FBN2: variants seen among roughly 807,000 people sequenced by gnomAD.
The protein encoded by FBN2 is fibrillin 2, also known as fibrillin-2.
FBN2 carries 105 observed loss-of-function variants against 355.6 expected under a neutral mutation model. That is an observed-to-expected ratio of 0.30 (90% confidence interval 0.25 to 0.35). The LOEUF is 0.35. Ranked by LOEUF, FBN2 falls within the 10% of genes least tolerant of loss-of-function variation. The pLI is 1.00. For missense variants in FBN2, 3,280 were observed against 3,758.7 expected, an observed-to-expected ratio of 0.87 and a Z score of 3.33; for synonymous variants, 1,350 against 1,301.2, an observed-to-expected ratio of 1.04 and a Z score of -0.81.
At chr5:128,402,981 C>G (rs537312203) in intron 8 of FBN2, among the ~76,000 whole-genome samples, 1 of 152,178 alleles carries the variant, frequency 6.6e-6, no homozygotes, top group Non-Finnish European at 1.5e-5. Context: ...GTAAGGAAAA[C>G]TTCTCCTTCT....
chr5:128,293,825 CT>C (rs991797437), intron 48 of FBN2, among the ~76,000 whole-genome samples: 23 of 151,266 alleles, frequency 1.5e-4, no homozygotes, highest in South Asian at 1.5e-3. Flanking sequence ...TTAAACTTTT[CT>C]TTTTTTTAAT....
intron 48 of FBN2, among the ~76,000 whole-genome samples, chr5:128,297,560 CTTG>C (rs1318663304): frequency 6.6e-6 from 1 of 152,206 alleles, no homozygotes; most frequent in African/African-American, 2.4e-5. Context: ...GTTCACTCTT[CTTG>C]TTGAATTGAT....
intron 13 of FBN2, among the ~76,000 whole-genome samples, chr5:128,377,424 G>A (rs960235384): frequency 6.6e-6 from 1 of 151,980 alleles, no homozygotes; most frequent in African/African-American, 2.4e-5. Flanking sequence ...CTGAAATACA[G>A]TAGCGGTCAG....
At chr5:128,378,667 A>G in intron 12 of FBN2, 104 bp downstream of exon 12, 1 of 1,223,560 alleles carries the variant, frequency 8.2e-7, no homozygotes, top group Non-Finnish European at 1.2e-6. Context: ...TAATAATGTA[A>G]CACTTATTTT....
chr5:128,262,641 T>C (rs1765005661), intron 63 of FBN2, among the ~76,000 whole-genome samples: 1 of 152,248 alleles, frequency 6.6e-6, no homozygotes, highest in South Asian at 2.1e-4. Flanking sequence ...AGTCAATGAA[T>C]TGGCTCTAAA....
At position 128,289,888 on chromosome 5, in the gene FBN2, G is replaced by T; in HGVS notation, c.6505C>A (p.Arg2169Ser). 6.3e-7 allele frequency: 1 copy of T among 1,576,786 alleles called. No homozygotes were observed. The highest frequency in any genetic ancestry group is 8.7e-7 in the Non-Finnish European group (1 of 1,146,412). ...HGTVPSLHDTREDVNECLESP... is the reference protein window; with the variant it reads ...HGTVPSLHDTSEDVNECLESP... ...AAAATATATCAAAGCGTACCTTCAC[G>T]TGTATCATGAAGACTAGGGACAGTT... Residue 2169 changes from arginine (R) to serine (S), a missense_variant, in exon 51 of 65, where the codon CGT becomes AGT. This residue lies in a region of FBN2 where 2,284 missense variants were observed against 2,749.5 expected (regional missense o/e 0.83). Transcript: ENST00000262464.
intron 7 of FBN2, among the ~76,000 whole-genome samples, chr5:128,421,164 G>T (rs775418455): frequency 1.7e-4 from 26 of 152,214 alleles, no homozygotes; most frequent in Non-Finnish European, 3.1e-4. Flanking sequence ...GACAGGCCTA[G>T]AATGCCATTT....
chr5:128,382,168 C>T (rs1752249796), intron 11 of FBN2, among the ~76,000 whole-genome samples: 1 of 151,902 alleles, frequency 6.6e-6, no homozygotes, highest in Non-Finnish European at 1.5e-5. Context: ...ATCCTAAAAC[C>T]ACTCTTCAAA....
intron 64 of FBN2, among the ~76,000 whole-genome samples, chr5:128,261,139 T>C (rs1369646978): frequency 6.6e-6 from 1 of 152,160 alleles, no homozygotes; most frequent in Admixed American, 6.5e-5. Flanking sequence ...AGGTAACAGA[T>C]AGGGAGGGCC....
At chr5:128,514,769 A>C (rs1045569550) in intron 5 of FBN2, among the ~76,000 whole-genome samples, 3 of 152,194 alleles carry the variant, frequency 2.0e-5, no homozygotes, top group African/African-American at 7.2e-5. Flanking sequence ...TAAGTGTAGG[A>C]ATTATGAGTA....
chr5:128,499,167 G>T (rs1244690128), intron 5 of FBN2, among the ~76,000 whole-genome samples: 1 of 152,018 alleles, frequency 6.6e-6, no homozygotes, highest in Admixed American at 6.6e-5. Context: ...TCAGAGAGAG[G>T]CAAAATCTAT....
chr5:128,406,857 G>A (rs1752939670), intron 8 of FBN2, among the ~76,000 whole-genome samples: 1 of 152,228 alleles, frequency 6.6e-6, no homozygotes, highest in Non-Finnish European at 1.5e-5. Context: ...GGGAATTAGA[G>A]TATTAAATGA....
chr5:128,519,436 A>G (rs1756371208), intron 4 of FBN2, 68 bp from the exon 5 acceptor site: 2 of 1,113,002 alleles, frequency 1.8e-6, no homozygotes, highest in African/African-American at 1.6e-5. Flanking sequence ...TAGTGCAGTG[A>G]TGCTGCCAAT....
At chr5:128,448,749 T>C (rs1581306197) in intron 6 of FBN2, among the ~76,000 whole-genome samples, 1 of 152,208 alleles carries the variant, frequency 6.6e-6, no homozygotes, top group Non-Finnish European at 1.5e-5. Flanking sequence ...CTCTAATTAC[T>C]AGCTCCTACA....
intron 7 of FBN2, among the ~76,000 whole-genome samples, chr5:128,414,052 C>T (rs891463989): frequency 2.6e-5 from 4 of 152,160 alleles, no homozygotes; most frequent in South Asian, 2.1e-4. Context: ...TTGATGTCTG[C>T]TTTCCTCTTT....
chr5:128,350,497 G>C (rs1488126872), intron 21 of FBN2, among the ~76,000 whole-genome samples: 1 of 152,218 alleles, frequency 6.6e-6, no homozygotes, highest in African/African-American at 2.4e-5. Flanking sequence ...GTTGCAATGA[G>C]CTGAGGTCAC....
intron 5 of FBN2, among the ~76,000 whole-genome samples, chr5:128,494,080 T>G (rs2127130187): frequency 6.6e-6 from 1 of 152,222 alleles, no homozygotes; most frequent in African/African-American, 2.4e-5. Context: ...GACACAGATA[T>G]TTCAGAGGAG....
chr5:128,497,554 A>T (rs549989041), intron 5 of FBN2, among the ~76,000 whole-genome samples: 1 of 152,362 alleles, frequency 6.6e-6, no homozygotes, highest in South Asian at 2.1e-4. Flanking sequence ...AAGGAAAGGC[A>T]TACTGCAGTC....
At chr5:128,520,229 G>T (rs1756395796) in intron 4 of FBN2, among the ~76,000 whole-genome samples, 3 of 152,100 alleles carry the variant, frequency 2.0e-5, no homozygotes, top group African/African-American at 7.2e-5. Flanking sequence ...GAACTGCCGT[G>T]CACTGCAACT....
Sources: allele counts gnomAD v4.1 joint callset (sites outside exome capture counted in the v4.1 genomes callset), GRCh38; gene constraint gnomAD v4.1.1; regional missense constraint gnomAD v4.1.1; transcripts MANE v1.5; gene names NCBI Gene and HGNC (gene_info 2026-07-23, HGNC 2026-07-21).